The following IGF1R variants were observed in gnomAD, a reference collection of about 807,000 sequenced individuals.
IGF1R encodes the protein insulin-like growth factor 1 receptor.
Under a neutral mutation model 144.6 loss-of-function variants are expected in IGF1R, and 44 were observed. The observed-to-expected ratio is 0.30, with a 90% CI of 0.24 to 0.39. The LOEUF (loss-of-function observed/expected upper bound fraction) is 0.39, where lower values mean the gene tolerates loss of function less well. Among genes scored for constraint, IGF1R ranks in the 10% least tolerant of loss-of-function variants. The probability of loss-of-function intolerance (pLI) is 1.00; values close to 1 mark genes in which losing one functional copy is unlikely to be tolerated. For synonymous variants in IGF1R, 795 were observed against 722.8 expected (o/e 1.10, Z -1.60); for missense variants, 1,355 against 1,833.7 (o/e 0.74, Z 4.77).
At chr15:98,722,322 A>G (rs1181144278) in intron 2 of IGF1R, among the ~76,000 whole-genome samples, 1 of 152,204 alleles carries the variant, frequency 6.6e-6, no homozygotes, top group Non-Finnish European at 1.5e-5. Context: ...ACTTTGGATT[A>G]AAAGAATATT....
chr15:98,911,537 G>A, intron 7 of IGF1R, 96 bp downstream of exon 7: 1 of 1,540,482 alleles, frequency 6.5e-7, no homozygotes, highest in Non-Finnish European at 8.9e-7. Context: ...TGAATACAGG[G>A]GGTCAGCAGA....
At chr15:98,862,622 ACT>A (rs1173092469) in intron 2 of IGF1R, among the ~76,000 whole-genome samples, 3 of 152,088 alleles carry the variant, frequency 2.0e-5, no homozygotes, top group Non-Finnish European at 4.4e-5. Context: ...GCTTTTAGTA[ACT>A]CTGGTTCAAG....
At chr15:98,800,668 A>C (rs1213306397) in intron 2 of IGF1R, among the ~76,000 whole-genome samples, 6 of 152,082 alleles carry the variant, frequency 3.9e-5, no homozygotes. Flanking sequence ...AGGAGACTGC[A>C]GCAAACTTCT....
At chr15:98,767,151 CATT>C (rs1567118482) in intron 2 of IGF1R, among the ~76,000 whole-genome samples, 1 of 152,088 alleles carries the variant, frequency 6.6e-6, no homozygotes, top group Non-Finnish European at 1.5e-5. Flanking sequence ...CTCCCTAGAT[CATT>C]ATTTTTAGTT....
intron 7 of IGF1R, 65 bp downstream of exon 7, chr15:98,911,506 T>C (rs1431906886): frequency 3.7e-6 from 6 of 1,607,624 alleles, no homozygotes; most frequent in Non-Finnish European, 5.1e-6. Flanking sequence ...GGCCAGTCTT[T>C]CGATCCTTGA....
intron 1 of IGF1R, among the ~76,000 whole-genome samples, chr15:98,677,589 G>T (rs2053080574): frequency 6.6e-6 from 1 of 152,188 alleles, no homozygotes; most frequent in African/African-American, 2.4e-5. Context: ...CTGCTGTGAG[G>T]TGCTCAAAGA....
At chr15:98,717,991 G>C (rs968318269) in intron 2 of IGF1R, among the ~76,000 whole-genome samples, 1 of 152,234 alleles carries the variant, frequency 6.6e-6, no homozygotes, top group Non-Finnish European at 1.5e-5. Context: ...GTGTATGTGC[G>C]TACCACTTTA....
In IGF1R at chr15:98,961,939, G is replaced by GA; in HGVS notation, c.*4499dup. 4.3e-6 allele frequency: 1 copy of GA among 233,346 alleles called. No homozygotes were observed. The highest frequency in any genetic ancestry group is 8.5e-6 in the Non-Finnish European group (1 of 118,072). 14.5% of individuals were successfully genotyped at this position (233,346 alleles called of 1,614,324 possible). The stretch of plus-strand genomic sequence containing the variant: ...GTAAAATAGAAGAGCAGTCACTGTG[G>GA]AACTACCAAATGGCGAGATGCTCGG... On this transcript the variant is annotated 3_prime_UTR_variant, in exon 21 of 21. Coordinates refer to ENST00000650285, the MANE Select transcript of IGF1R (RefSeq NM_000875.5).
intron 2 of IGF1R, among the ~76,000 whole-genome samples, chr15:98,812,937 A>G (rs1442126366): frequency 6.6e-6 from 1 of 152,236 alleles, no homozygotes; most frequent in East Asian, 1.9e-4. Flanking sequence ...TAAGTCCACA[A>G]ACCTGCTTCC....
At position 98,926,023 on chromosome 15, in the gene IGF1R, A is replaced by T. The variant is rs28477234; in HGVS notation, c.2782+1339A>T. Among the ~76,000 whole-genome samples, 568 of 152,346 alleles carry T rather than the reference A, an allele frequency of 3.7e-3. 3 individuals carry two copies. Among genetic ancestry groups the T allele is most frequent in the African/African-American group, 0.013 (538 of 41,584 alleles). ...AACAGCTCTCTGCACTCCCATGTTCACTGCAGCACTATTCACAGTGGCCAA... is the reference window on the plus strand; with the variant it reads ...AACAGCTCTCTGCACTCCCATGTTCTCTGCAGCACTATTCACAGTGGCCAA... On this transcript the variant is annotated intron_variant, in intron 13 of 20. Transcript: ENST00000650285.
intron 1 of IGF1R, among the ~76,000 whole-genome samples, chr15:98,668,917 C>T (rs1415670462): frequency 6.6e-6 from 1 of 152,226 alleles, no homozygotes; most frequent in Non-Finnish European, 1.5e-5. Flanking sequence ...ACTTTTTCCT[C>T]TCCCAGCAAA....
chr15:98,924,539 T>C lies in IGF1R; in HGVS notation c.2637T>C (p.Cys879=), dbSNP rs778987879. The C allele has an allele frequency of 6.2e-7, 1 of 1,613,994 alleles. No individual in the cohort carries two copies. The highest frequency in any genetic ancestry group is 1.3e-5 in the African/African-American group (1 of 74,890). ...YGSQVEDQRE[C]VSRQEYRKYG... is the part of the protein sequence containing the mutation. ...TATTTCCCCAGGATCAGCGAGAATGTGTGTCCAGACAGGAATACAGGAAGT... is the reference window on the plus strand; with the variant it reads ...TATTTCCCCAGGATCAGCGAGAATGCGTGTCCAGACAGGAATACAGGAAGT... Residue 879 remains cysteine (C), a synonymous_variant, in exon 13 of 21, where the codon TGT becomes TGC. Transcript: ENST00000650285.
chr15:98,836,437 A>C (rs527693704), intron 2 of IGF1R, among the ~76,000 whole-genome samples: 1 of 151,620 alleles, frequency 6.6e-6, no homozygotes, highest in South Asian at 2.1e-4. Context: ...GGAGGATCGC[A>C]TGAGCCAGGA....
At chr15:98,773,582 C>T (rs1487962437) in intron 2 of IGF1R, among the ~76,000 whole-genome samples, 1 of 152,104 alleles carries the variant, frequency 6.6e-6, no homozygotes, top group Non-Finnish European at 1.5e-5. Context: ...TTCTGGGGAC[C>T]ACTCTTATCT....
intron 1 of IGF1R, among the ~76,000 whole-genome samples, chr15:98,658,244 A>G (rs1017049260): frequency 1.3e-5 from 2 of 152,052 alleles, no homozygotes; most frequent in African/African-American, 2.4e-5. Context: ...CCTCTTCACT[A>G]CTCTGCTACT....
chr15:98,774,347 ATT>A (rs2055661516), intron 2 of IGF1R, among the ~76,000 whole-genome samples: 1 of 152,188 alleles, frequency 6.6e-6, no homozygotes, highest in African/African-American at 2.4e-5. Flanking sequence ...TGGGGAACAT[ATT>A]GCAAATTTCC....
At chr15:98,706,817 ATT>A in intron 1 of IGF1R, among the ~76,000 whole-genome samples, 1 of 130,492 alleles carries the variant, frequency 7.7e-6, no homozygotes, top group East Asian at 2.3e-4. Context: ...ATCGTTGATG[ATT>A]TTTACTGGTT....
At chr15:98,837,294 A>G (rs928264093) in intron 2 of IGF1R, among the ~76,000 whole-genome samples, 1 of 152,120 alleles carries the variant, frequency 6.6e-6, no homozygotes, top group African/African-American at 2.4e-5. Context: ...ACTGGAGTGC[A>G]GTGGCGCAAT....
At chr15:98,660,754 T>G (rs1391672414) in intron 1 of IGF1R, 1 of 152,222 alleles carries the variant, frequency 6.6e-6, no homozygotes, top group Admixed American at 6.5e-5. Flanking sequence ...TCTGGCCTTG[T>G]GTCAAGATCA....
Sources: gnomAD v4.1 joint callset for allele counts (sites outside exome capture counted in the v4.1 genomes callset) on GRCh38, gnomAD v4.1.1 for gene constraint, MANE v1.5 for transcripts, NCBI Gene and HGNC (gene_info 2026-07-23, HGNC 2026-07-21) for gene names.